Variants in BMPR1B observed in about 807,000 individuals in gnomAD.
BMPR1B encodes bone morphogenetic protein receptor type-1B.
A neutral mutation model predicts 59.1 loss-of-function variants in BMPR1B; 12 were observed. That is an observed-to-expected ratio of 0.20 (90% CI 0.13 to 0.33). BMPR1B has a LOEUF of 0.33. Among genes scored for constraint, BMPR1B ranks in the 10% least tolerant of loss-of-function variants. The pLI, the probability that BMPR1B is intolerant of heterozygous loss-of-function variation, is 1.00. For missense variants in BMPR1B, 550 were observed against 610.9 expected (o/e 0.90, Z 1.05); for synonymous variants, 237 against 207.3 (o/e 1.14, Z -1.23).
At chr4:95,133,644 TC>T (rs552041349) in intron 10 of BMPR1B, among the ~76,000 whole-genome samples, 8 of 152,064 alleles carry the variant, frequency 5.3e-5, no homozygotes, top group Non-Finnish European at 8.8e-5. Context: ...CCATCACAAC[TC>T]ACTGCAGCCT....
chr4:94,847,954 A>G (rs1346590126), intron 1 of BMPR1B, among the ~76,000 whole-genome samples: 1 of 152,178 alleles, frequency 6.6e-6, no homozygotes, highest in Admixed American at 6.5e-5. Context: ...GAAATGATAA[A>G]TGCTTAAGGT....
intron 3 of BMPR1B, among the ~76,000 whole-genome samples, chr4:95,033,989 A>G (rs1208424736): frequency 1.3e-5 from 2 of 152,164 alleles, no homozygotes; most frequent in Non-Finnish European, 1.5e-5. Flanking sequence ...TCCTGAATGT[A>G]TCCATCAGAT....
At chr4:95,060,287 A>G (rs1727257931) in intron 3 of BMPR1B, among the ~76,000 whole-genome samples, 1 of 152,240 alleles carries the variant, frequency 6.6e-6, no homozygotes. Flanking sequence ...CCCTACAGAT[A>G]GAACCTCTAA....
chr4:95,062,957 A>C (rs567110249), intron 3 of BMPR1B, among the ~76,000 whole-genome samples: 2 of 152,096 alleles, frequency 1.3e-5, no homozygotes, highest in African/African-American at 4.8e-5. Context: ...TGCTGCTTAT[A>C]TTTGCTACTT....
intron 2 of BMPR1B, among the ~76,000 whole-genome samples, chr4:94,991,965 C>T (rs773398887): frequency 4.6e-5 from 7 of 152,140 alleles, no homozygotes; most frequent in Admixed American, 6.5e-5. Flanking sequence ...TATATTTAAA[C>T]GCCCATTGAA....
intron 6 of BMPR1B, among the ~76,000 whole-genome samples, chr4:95,116,298 C>T (rs554618094): frequency 3.9e-5 from 6 of 151,906 alleles, no homozygotes; most frequent in Non-Finnish European, 2.9e-5. Flanking sequence ...TCAAAACTTA[C>T]CCATTTAAGT....
intron 3 of BMPR1B, among the ~76,000 whole-genome samples, chr4:95,025,802 T>A (rs1724313589): frequency 6.6e-6 from 1 of 152,318 alleles, no homozygotes; most frequent in South Asian, 2.1e-4. Context: ...CTTAGTTCAC[T>A]AGAATGGTTT....
At chr4:94,874,948 G>A (rs1371778596) in intron 1 of BMPR1B, among the ~76,000 whole-genome samples, 11 of 152,094 alleles carry the variant, frequency 7.2e-5, no homozygotes, top group African/African-American at 2.4e-4. Context: ...AGCCGAGATC[G>A]CGCCACTGTA....
At chr4:94,900,755 T>C (rs1727779534) in intron 2 of BMPR1B, among the ~76,000 whole-genome samples, 1 of 151,994 alleles carries the variant, frequency 6.6e-6, no homozygotes. Context: ...TTAATTTTGT[T>C]ATGGCAAATC....
intron 2 of BMPR1B, among the ~76,000 whole-genome samples, chr4:94,893,708 T>A (rs997335409): frequency 3.9e-5 from 6 of 152,004 alleles, no homozygotes; most frequent in African/African-American, 1.4e-4. Context: ...TCTTGGTGCC[T>A]TTCCATTCCT....
At chr4:94,820,266 T>C (rs1419305119) in intron 1 of BMPR1B, among the ~76,000 whole-genome samples, 3 of 152,180 alleles carry the variant, frequency 2.0e-5, no homozygotes, top group Non-Finnish European at 2.9e-5. Flanking sequence ...AAGTTCATGG[T>C]GTATCTTCCC....
At chr4:95,146,102 A>G (rs1382001943) in intron 10 of BMPR1B, among the ~76,000 whole-genome samples, 5 of 152,244 alleles carry the variant, frequency 3.3e-5, no homozygotes, top group Admixed American at 2.0e-4. Context: ...TTGGGGGCTC[A>G]GAGGAGTTGA....
chr4:94,908,488 C>T (rs1230059805), intron 2 of BMPR1B, among the ~76,000 whole-genome samples: 2 of 151,924 alleles, frequency 1.3e-5, no homozygotes, highest in Non-Finnish European at 2.9e-5. Context: ...TCCTAAACTT[C>T]TAAGCAGTAG....
chr4:95,088,164 A>T (rs1316477381), intron 3 of BMPR1B, among the ~76,000 whole-genome samples: 1 of 152,132 alleles, frequency 6.6e-6, no homozygotes, highest in Admixed American at 6.5e-5. Flanking sequence ...TTTAATTGAG[A>T]CTTTTCTGCT....
intron 1 of BMPR1B, among the ~76,000 whole-genome samples, chr4:94,833,124 G>A (rs902412828): frequency 6.6e-6 from 1 of 150,396 alleles, no homozygotes; most frequent in Non-Finnish European, 1.5e-5. Context: ...CCACAAGTTC[G>A]AGTCTACAGT....
chr4:95,017,935 T>C (rs996839360), intron 3 of BMPR1B, among the ~76,000 whole-genome samples: 2 of 152,208 alleles, frequency 1.3e-5, no homozygotes, highest in African/African-American at 4.8e-5. Context: ...GTGAAATGGG[T>C]AAACAAATTC....
At position 95,143,451 on chromosome 4, in the gene BMPR1B, C is replaced by T. The variant is rs375468279; in HGVS notation, c.1077-5297C>T. On this transcript the variant is annotated intron_variant, in intron 10 of 12. Transcript: ENST00000515059. ...CGTGTGTCTTTTAATTTTCTTGTCTCTCTCTCTCTCAAAGTCTTTCCCTTT... is the reference window on the plus strand; with the variant it reads ...CGTGTGTCTTTTAATTTTCTTGTCTTTCTCTCTCTCAAAGTCTTTCCCTTT... Among the ~76,000 whole-genome samples, 24 of 152,164 alleles carry T rather than the reference C, an allele frequency of 1.6e-4. No homozygotes were observed. In the South Asian group the frequency reaches 4.8e-3, roughly 30 times the overall value.
intron 2 of BMPR1B, among the ~76,000 whole-genome samples, chr4:94,984,795 C>T (rs1721301389): frequency 6.6e-6 from 1 of 152,174 alleles, no homozygotes; most frequent in South Asian, 2.1e-4. Flanking sequence ...GCGCTTTTCC[C>T]TTCTGCTTTT....
At chr4:94,957,340 T>G (rs1322802135) in intron 2 of BMPR1B, among the ~76,000 whole-genome samples, 85 of 141,300 alleles carry the variant, frequency 6.0e-4, no homozygotes, top group African/African-American at 2.5e-3. Flanking sequence ...CGTGTTTTTT[T>G]TTTTTTTTTT....
Sources: gnomAD v4.1 joint callset for allele counts (sites outside exome capture counted in the v4.1 genomes callset) on GRCh38, gnomAD v4.1.1 for gene constraint, MANE v1.5 for transcripts, NCBI Gene and HGNC (gene_info 2026-07-23, HGNC 2026-07-21) for gene names.